The following TIGD5 variants were observed in gnomAD, a reference collection of about 807,000 sequenced individuals.
TIGD5 encodes tigger transposable element derived 5.
A neutral mutation model predicts 28.8 loss-of-function variants in TIGD5; 24 were observed. That is an observed-to-expected ratio of 0.83 (90% CI 0.60 to 1.17). TIGD5 has a LOEUF of 1.17. TIGD5 is among the 50% of genes most tolerant of loss of function. TIGD5 has a pLI of 0.00. For missense variants in TIGD5, 922 were observed against 911.4 expected, an observed-to-expected ratio of 1.01 and a Z score of -0.15; for synonymous variants, 538 against 430.5, an observed-to-expected ratio of 1.25 and a Z score of -3.09.
chr8:143,601,948 T>C lies in TIGD5; in HGVS notation c.*2116T>C, dbSNP rs1440111216. 1.3e-5 allele frequency: 2 copies of C among 152,014 alleles called. No homozygotes were observed. Among genetic ancestry groups the C allele is most frequent in the Non-Finnish European group, 2.9e-5 (2 of 68,000 alleles). 9.4% of individuals were successfully genotyped at this position (152,014 alleles called of 1,614,324 possible). On this transcript the variant is annotated 3_prime_UTR_variant, in exon 1 of 1. Transcript: ENST00000504548. ...CCGTCTCTACTAAAAATACAAAAAT[T>C]AGCTGGGCGTGGTGGCAGGTGCCTG... is the stretch of plus-strand genomic sequence containing the variant.
chr8:143,598,830 C>T lies in TIGD5; in HGVS notation c.927C>T (p.Asp309=), dbSNP rs1829171871. The change falls in exon 1 of 1, where the codon GAC becomes GAT. Residue 309 remains aspartate, a synonymous_variant. Transcript: ENST00000504548. The surrounding 1 kb of genome is among the most constrained non-coding windows in gnomAD (Gnocchi z 6.6). ...DPPSLRHHNQ[D]KFPASYRYSP... ...CCAGCCTGCGCCACCACAACCAGGA[C>T]AAGTTCCCGGCCTCCTACCGCTACA... 3.7e-6 allele frequency: 6 copies of T among 1,601,178 alleles called. No homozygotes were observed. The South Asian group carries it at 5.5e-5, about 15-fold the overall frequency.
chr8:143,598,405 A>G lies in TIGD5; in HGVS notation c.502A>G (p.Ser168Gly). ...CGGGCCCGAGTGCACCTTCAAGGCC[A>G]GCCACGGCTGGTTCTGGCGCTGGCA... is the stretch of plus-strand genomic sequence containing the variant. ...IYGPECTFKA[S>G]HGWFWRWQKR... The change falls in exon 1 of 1, where the codon AGC becomes GGC. Residue 168 changes from serine to glycine, a missense_variant. Physicochemically the swap from Ser to Gly is moderately conservative, Grantham distance 56. Around this residue, in one of 3 missense-constraint regions of TIGD5, gnomAD observed 821 missense variants for 815.2 expected, o/e 1.01. Coordinates refer to ENST00000504548, the MANE Select transcript of TIGD5 (RefSeq NM_032862.5). This position sits in a 1 kb window ranked among gnomAD's most constrained non-coding sequence, Gnocchi z 6.6. 1 of 1,528,506 alleles carries G rather than the reference A, an allele frequency of 6.5e-7. No homozygotes were observed. Among genetic ancestry groups the G allele is most frequent in the Non-Finnish European group, 8.8e-7 (1 of 1,141,520 alleles). The allele number at this position is 1,528,506 out of a possible 1,614,324, so 94.7% of individuals were successfully genotyped here.
At position 143,599,195 on chromosome 8, in the gene TIGD5, G is replaced by A; in HGVS notation, c.1292G>A (p.Arg431His). 2 of 1,611,000 alleles carry A rather than the reference G, an allele frequency of 1.2e-6. No individual in the cohort carries two copies. The highest frequency in any genetic ancestry group is 1.7e-6 in the Non-Finnish European group (2 of 1,179,482). Residue 431 changes from arginine (R) to histidine (H), a missense_variant, in exon 1 of 1, where the codon CGC becomes CAC. Around this residue, in one of 3 missense-constraint regions of TIGD5, gnomAD observed 821 missense variants for 815.2 expected, o/e 1.01. Coordinates refer to ENST00000504548, the MANE Select transcript of TIGD5 (RefSeq NM_032862.5). ...VVAAFKQLYK[R>H]ELLRLAVSCA... ...GCCGCCTTCAAACAGCTGTACAAGC[G>A]CGAGCTGCTGCGACTGGCTGTGTCC...
At position 143,599,203 on chromosome 8, in the gene TIGD5, C is replaced by T; in HGVS notation, c.1300C>T (p.Leu434=). 4 of 1,611,140 alleles carry T rather than the reference C, an allele frequency of 2.5e-6. No individual in the cohort carries two copies. Among genetic ancestry groups the T allele is most frequent in the Non-Finnish European group, 3.4e-6 (4 of 1,179,592 alleles). The change falls in exon 1 of 1, where the codon CTG becomes TTG. Residue 434 remains leucine (L), a synonymous_variant. Coordinates refer to ENST00000504548, the MANE Select transcript of TIGD5 (RefSeq NM_032862.5). ...CAAACAGCTGTACAAGCGCGAGCTG[C>T]TGCGACTGGCTGTGTCCTGCGCCAG... ...AFKQLYKREL[L]RLAVSCASGS...
In TIGD5 at chr8:143,598,263, C is replaced by G; in HGVS notation, c.360C>G (p.Asn120Lys). Residue 120 changes from asparagine (N) to lysine (K), a missense_variant, in exon 1 of 1, where the codon AAC becomes AAG. Physicochemically the swap from Asn to Lys is moderately conservative, Grantham distance 94. Transcript: ENST00000504548. This position sits in a 1 kb window ranked among gnomAD's most constrained non-coding sequence, Gnocchi z 6.6. ...AGCGCAAGAAGATGCGGCTGGCCAA[C>G]GAGGAGGAGATCGACCGCGCCGTGT... ...GTQRKKMRLANEEEIDRAVYA... is the reference protein window; with the variant it reads ...GTQRKKMRLAKEEEIDRAVYA... 1 of 1,609,962 alleles carries G rather than the reference C, an allele frequency of 6.2e-7. No homozygotes were observed. The highest frequency in any genetic ancestry group is 8.5e-7 in the Non-Finnish European group (1 of 1,178,858).
Position 143,599,345 on chromosome 8 carries a change from T to G in TIGD5, c.1442T>G (p.Leu481Arg). 3.8e-6 allele frequency: 6 copies of G among 1,589,346 alleles called. No individual in the cohort carries two copies. Among genetic ancestry groups the G allele is most frequent in the Non-Finnish European group, 4.3e-6 (5 of 1,169,158 alleles). ...GSIERCWLLG[L>R]RAAFEPRPGE... ...ATTGAGCGCTGCTGGCTGCTGGGCC[T>G]GCGGGCTGCCTTCGAGCCCCGGCCC... Residue 481 changes from leucine (L) to arginine (R), a missense_variant, in exon 1 of 1, where the codon CTG (leucine) becomes CGG (arginine). Around this residue, in one of 3 missense-constraint regions of TIGD5, gnomAD observed 821 missense variants for 815.2 expected, o/e 1.01. Transcript: ENST00000504548.
In TIGD5 at chr8:143,599,613, C is replaced by A; in HGVS notation, c.1710C>A (p.Gly570=). 6.6e-7 allele frequency: 1 copy of A among 1,525,138 alleles called. No homozygotes were observed. The highest frequency in any genetic ancestry group is 8.8e-7 in the Non-Finnish European group (1 of 1,139,340). 94.5% of individuals were successfully genotyped at this position (1,525,138 alleles called of 1,614,324 possible). ...APASLPSAMG[G]GEDEEEATDY... is the part of the protein sequence containing the mutation. ...CCAGTCTGCCCTCTGCCATGGGGGGCGGAGAGGACGAGGAGGAGGCCACCG... is the reference window on the plus strand; with the variant it reads ...CCAGTCTGCCCTCTGCCATGGGGGGAGGAGAGGACGAGGAGGAGGCCACCG... Residue 570 remains glycine, a synonymous_variant, in exon 1 of 1, where the codon GGC becomes GGA. Transcript: ENST00000504548.
At position 143,601,504 on chromosome 8, in the gene TIGD5, C is replaced by CT. The variant is rs1272542769; in HGVS notation, c.*1673dup. On this transcript the variant is annotated 3_prime_UTR_variant, in exon 1 of 1. Coordinates refer to ENST00000504548, the MANE Select transcript of TIGD5 (RefSeq NM_032862.5). ...CTCTGCCAGGCCTGCCTCCAGGGCT[C>CT]TGAGGAGAAGCTGACTTCACGGCCG... 1 of 152,442 alleles carries CT rather than the reference C, an allele frequency of 6.6e-6. No homozygotes were observed. Among genetic ancestry groups the CT allele is most frequent in the Non-Finnish European group, 1.5e-5 (1 of 68,182 alleles). The allele number at this position is 152,442 out of a possible 1,614,324, so 9.4% of individuals were successfully genotyped here.
rs1367117655 is a variant in TIGD5 at position 143,602,980 on chromosome 8, T to C, written c.*3148T>C. On this transcript the variant is annotated 3_prime_UTR_variant, in exon 1 of 1. Transcript: ENST00000504548. Reference sequence around the variant, plus strand: ...CTGCGGATGAAACATCACACTGTGGTAGGAAAGGAAGGGGAGCACCCCCAG... The same window carrying C: ...CTGCGGATGAAACATCACACTGTGGCAGGAAAGGAAGGGGAGCACCCCCAG... 6.6e-6 allele frequency: 1 copy of C among 152,182 alleles called. No homozygotes were observed. The highest frequency in any genetic ancestry group is 2.4e-5 in the African/African-American group (1 of 41,412). The allele number at this position is 152,182 out of a possible 1,614,324, so 9.4% of individuals were successfully genotyped here.
At position 143,599,597 on chromosome 8, in the gene TIGD5, C is replaced by T; in HGVS notation, c.1694C>T (p.Pro565Leu). 16 of 1,533,738 alleles carry T rather than the reference C, an allele frequency of 1.0e-5. No homozygotes were observed. The highest frequency in any genetic ancestry group is 1.4e-5 in the Non-Finnish European group (16 of 1,143,222). ...GCGCCTCCGGCCCCAGCCAGTCTGC[C>T]CTCTGCCATGGGGGGCGGAGAGGAC... ...PAAPPAPASL[P>L]SAMGGGEDEE... is the part of the protein sequence containing the mutation. The change falls in exon 1 of 1, where the codon CCC (proline) becomes CTC (leucine). Residue 565 changes from proline to leucine, a missense_variant. By Grantham distance (98) the Pro-to-Leu change is moderately conservative (BLOSUM62 -3). Coordinates refer to ENST00000504548, the MANE Select transcript of TIGD5 (RefSeq NM_032862.5).
In TIGD5 at chr8:143,598,162, A is replaced by G. The variant is rs1385000378; in HGVS notation, c.259A>G (p.Thr87Ala). ...CCGCGACTTCGGCGTGCCGGGCGGG[A>G]CGCTGCGCGGCTGGCTCAAGGACGA... is the stretch of plus-strand genomic sequence containing the variant. ...VCRDFGVPGG[T>A]LRGWLKDEPK... is the part of the protein sequence containing the mutation. The change falls in exon 1 of 1, where the codon ACG becomes GCG. Residue 87 changes from threonine to alanine, a missense_variant. Transcript: ENST00000504548. The surrounding 1 kb of genome is among the most constrained non-coding windows in gnomAD (Gnocchi z 6.6). 2 of 1,597,090 alleles carry G rather than the reference A, an allele frequency of 1.3e-6. No homozygotes were observed. The highest frequency in any genetic ancestry group is 1.7e-6 in the Non-Finnish European group (2 of 1,172,982).
chr8:143,598,666 C>T lies in TIGD5; in HGVS notation c.763C>T (p.Pro255Ser). ...GAAGCTGCTTCCGGAGCAGGCTGCG[C>T]CCCCGGGCGCAGGGGACCCCGGGGC... ...YWKLLPEQAA[P>S]PGAGDPGAGG... is the part of the protein sequence containing the mutation. The change falls in exon 1 of 1, where the codon CCC becomes TCC. Residue 255 changes from proline to serine, a missense_variant. By Grantham distance (74) the Pro-to-Ser change is moderately conservative. Around this residue, in one of 3 missense-constraint regions of TIGD5, gnomAD observed 821 missense variants for 815.2 expected, o/e 1.01. Transcript: ENST00000504548. This position sits in a 1 kb window ranked among gnomAD's most constrained non-coding sequence, Gnocchi z 6.6. 4 of 1,499,264 alleles carry T rather than the reference C, an allele frequency of 2.7e-6. No homozygotes were observed. The highest frequency in any genetic ancestry group is 1.2e-5 in the South Asian group (1 of 80,564). 92.9% of individuals were successfully genotyped at this position (1,499,264 alleles called of 1,614,324 possible).
rs1335401918 is a variant in TIGD5, at chr8:143,598,698, C to T, written c.795C>T (p.Gly265=). ...GCGCAGGGGACCCCGGGGCGGGGGG[C>T]TGTGGCCGGCGCTGGCGGGGCGACC... ...PPGAGDPGAG[G]CGRRWRGDRV... Residue 265 remains glycine (G), a synonymous_variant, in exon 1 of 1, where the codon GGC becomes GGT. Coordinates refer to ENST00000504548, the MANE Select transcript of TIGD5 (RefSeq NM_032862.5). The surrounding 1 kb of genome is among the most constrained non-coding windows in gnomAD (Gnocchi z 6.6). 15 of 1,501,026 alleles carry T rather than the reference C, an allele frequency of 1.0e-5. No individual in the cohort carries two copies. In the East Asian group the frequency reaches 3.6e-4, roughly 36 times the overall value. 93.0% of individuals were successfully genotyped at this position (1,501,026 alleles called of 1,614,324 possible). A position where few individuals can be genotyped will look rare whatever the true frequency, so the allele number is the denominator to read the frequency against.
At position 143,599,529 on chromosome 8, in the gene TIGD5, C is replaced by T. The variant is rs367695634; in HGVS notation, c.1626C>T (p.Pro542=). ...WLHLDDDGGP[P]EGCREEVGPA... is the part of the protein sequence containing the mutation. ...ACCTGGACGATGATGGGGGTCCGCC[C>T]GAGGGCTGCAGGGAGGAGGTGGGCC... is the stretch of plus-strand genomic sequence containing the variant. The change falls in exon 1 of 1, where the codon CCC becomes CCT. Residue 542 remains proline (P), a synonymous_variant. Coordinates refer to ENST00000504548, the MANE Select transcript of TIGD5 (RefSeq NM_032862.5). The T allele has an allele frequency of 3.8e-6, 6 of 1,581,732 alleles. No homozygotes were observed. In the African/African-American group the frequency reaches 4.0e-5, roughly 11 times the overall value.
chr8:143,599,495 A>C lies in TIGD5; in HGVS notation c.1592A>C (p.Glu531Ala). Residue 531 changes from glutamate to alanine, a missense_variant, in exon 1 of 1, where the codon GAG becomes GCG. Around this residue, in one of 3 missense-constraint regions of TIGD5, gnomAD observed 821 missense variants for 815.2 expected, o/e 1.01. Transcript: ENST00000504548. ...YKCLAPEEVAEWLHLDDDGGP... is the reference protein window; with the variant it reads ...YKCLAPEEVAAWLHLDDDGGP... Reference sequence around the variant, plus strand: ...TGCCTGGCTCCGGAGGAGGTTGCGGAGTGGCTGCACCTGGACGATGATGGG... The same window carrying C: ...TGCCTGGCTCCGGAGGAGGTTGCGGCGTGGCTGCACCTGGACGATGATGGG... 1 of 1,592,076 alleles carries C rather than the reference A, an allele frequency of 6.3e-7. No individual in the cohort carries two copies. Among genetic ancestry groups the C allele is most frequent in the Non-Finnish European group, 8.5e-7 (1 of 1,170,344 alleles).
At position 143,599,820 on chromosome 8, in the gene TIGD5, T is replaced by C. The variant is rs1370469571; in HGVS notation, c.1917T>C (p.Tyr639=). The C allele has an allele frequency of 6.8e-7, 1 of 1,477,660 alleles. No individual in the cohort carries two copies. Among genetic ancestry groups the C allele is most frequent in the Non-Finnish European group, 8.9e-7 (1 of 1,123,774 alleles). The allele number at this position is 1,477,660 out of a possible 1,614,324, so 91.5% of individuals were successfully genotyped here. A position where few individuals can be genotyped will look rare whatever the true frequency, so the allele number is the denominator to read the frequency against. Residue 639 remains tyrosine (Y), a synonymous_variant, in exon 1 of 1, where the codon TAT becomes TAC. Coordinates refer to ENST00000504548, the MANE Select transcript of TIGD5 (RefSeq NM_032862.5). ...TCGGGCATACCCCAGCAGGCCCCTA[T>C]GACGGTGTGTGACCAGGCCAGCCCA... ...GGIGHTPAGP[Y]DGV
rs1463024395 is a variant in TIGD5 at position 143,598,956 on chromosome 8, G to A, written c.1053G>A (p.Gln351=). ...ACCTGCGCCGAAGCTGCCTGCAGCA[G>A]AAGGCCGTGCTGCTGGTGGCCCACC... ...KRYLRRSCLQ[Q]KAVLLVAHPP... is the part of the protein sequence containing the mutation. The change falls in exon 1 of 1, where the codon CAG becomes CAA. Residue 351 remains glutamine, a synonymous_variant. Transcript: ENST00000504548. The surrounding 1 kb of genome is among the most constrained non-coding windows in gnomAD (Gnocchi z 6.6). 1 of 1,583,042 alleles carries A rather than the reference G, an allele frequency of 6.3e-7. No homozygotes were observed. Among genetic ancestry groups the A allele is most frequent in the South Asian group, 1.1e-5 (1 of 88,424 alleles).
rs1829111772 is a variant in TIGD5 at position 143,597,914 on chromosome 8, C to T, written c.11C>T (p.Ala4Val). MYP[A>V]GPPAGPVPRR... ...CCCCCCGCCGCAGCCATGTACCCCGCGGGCCCCCCGGCCGGCCCGGTACCG... is the reference window on the plus strand; with the variant it reads ...CCCCCCGCCGCAGCCATGTACCCCGTGGGCCCCCCGGCCGGCCCGGTACCG... Residue 4 changes from alanine to valine, a missense_variant, in exon 1 of 1, where the codon GCG becomes GTG. Around this residue, in one of 3 missense-constraint regions of TIGD5, gnomAD observed 87 missense variants for 60.9 expected, o/e 1.43. Coordinates refer to ENST00000504548, the MANE Select transcript of TIGD5 (RefSeq NM_032862.5). 2.3e-6 allele frequency: 2 copies of T among 854,946 alleles called. No homozygotes were observed. The highest frequency in any genetic ancestry group is 1.2e-4 in the East Asian group (1 of 8,156). The allele number at this position is 854,946 out of a possible 1,614,324, so 53.0% of individuals were successfully genotyped here.
At position 143,598,263 on chromosome 8, in the gene TIGD5, C is replaced by T; in HGVS notation, c.360C>T (p.Asn120=). 6 of 1,609,962 alleles carry T rather than the reference C, an allele frequency of 3.7e-6. No homozygotes were observed. The highest frequency in any genetic ancestry group is 5.1e-6 in the Non-Finnish European group (6 of 1,178,858). The change falls in exon 1 of 1, where the codon AAC becomes AAT. Residue 120 remains asparagine (N), a synonymous_variant. Transcript: ENST00000504548. The surrounding 1 kb of genome is among the most constrained non-coding windows in gnomAD (Gnocchi z 6.6). ...GTQRKKMRLA[N]EEEIDRAVYA... ...AGCGCAAGAAGATGCGGCTGGCCAA[C>T]GAGGAGGAGATCGACCGCGCCGTGT... is the stretch of plus-strand genomic sequence containing the variant.
Sources: gnomAD v4.1 joint callset for allele counts on GRCh38, gnomAD v4.1.1 for gene constraint, gnomAD v4.1.1 regional missense constraint, Gnocchi (gnomAD v3.1) non-coding constraint, MANE v1.5 for transcripts, NCBI Gene and HGNC (gene_info 2026-07-23, HGNC 2026-07-21) for gene names.